Variants in STK39 observed in about 807,000 individuals in gnomAD.
STK39 encodes the protein STE20/SPS1-related proline-alanine-rich protein kinase.
STK39 carries 20 observed loss-of-function variants against 77.8 expected under a neutral mutation model. The observed-to-expected ratio is 0.26, with a 90% CI of 0.18 to 0.37. The LOEUF is 0.37. Among genes scored for constraint, STK39 ranks in the 10% least tolerant of loss-of-function variants. STK39 has a pLI of 1.00. For missense variants in STK39, 479 were observed against 656.5 expected, an observed-to-expected ratio of 0.73 and a Z score of 2.95; for synonymous variants, 246 against 234.1, an observed-to-expected ratio of 1.05 and a Z score of -0.47.
At chr2:168,007,631 C>A (rs1388133392) in intron 16 of STK39, among the ~76,000 whole-genome samples, 2 of 152,044 alleles carry the variant, frequency 1.3e-5, no homozygotes, top group African/African-American at 4.8e-5. Context: ...CTGCTCAAGA[C>A]CATTTTGTGA....
intron 4 of STK39, among the ~76,000 whole-genome samples, chr2:168,163,261 TCAC>T (rs1688621278): frequency 2.0e-5 from 3 of 152,298 alleles, no homozygotes; most frequent in South Asian, 2.1e-4. Flanking sequence ...TCCTTCCCTC[TCAC>T]CACCACATCA....
Position 167,964,687 on chromosome 2 carries a change from G to A in STK39, c.1538C>T (p.Ala513Val), listed in dbSNP as rs199600350. 3 of 1,611,238 alleles carry A rather than the reference G, an allele frequency of 1.9e-6. No homozygotes were observed. The highest frequency in any genetic ancestry group is 2.5e-6 in the Non-Finnish European group (3 of 1,179,042). ...NLQKIVDDPK[A>V]LKTLTFKLAS... ...CAACTTAAATGTCAATGTTTTTAAA[G>A]CTTTGGGATCATCTACAATCTTCTG... is the stretch of plus-strand genomic sequence containing the variant. The change falls in exon 17 of 18, where the codon GCT becomes GTT. Residue 513 changes from alanine to valine, a missense_variant. By Grantham distance (64) the Ala-to-Val change is moderately conservative. Coordinates refer to ENST00000355999, the MANE Select transcript of STK39 (RefSeq NM_013233.3).
At chr2:168,097,926 C>T (rs978966464) in intron 10 of STK39, among the ~76,000 whole-genome samples, 3 of 152,128 alleles carry the variant, frequency 2.0e-5, no homozygotes, top group Admixed American at 6.5e-5. Flanking sequence ...TTTAATTTTA[C>T]AAGAGCCACA....
intron 1 of STK39, among the ~76,000 whole-genome samples, chr2:168,236,489 C>A (rs1690613384): frequency 1.3e-5 from 2 of 152,122 alleles, no homozygotes; most frequent in Admixed American, 6.5e-5. Flanking sequence ...GCTTTTGTTG[C>A]CATTGCTTTT....
intron 10 of STK39, among the ~76,000 whole-genome samples, chr2:168,102,734 C>G (rs1199985397): frequency 6.6e-6 from 1 of 152,014 alleles, no homozygotes; most frequent in Non-Finnish European, 1.5e-5. Context: ...TTGAGACCTT[C>G]CTGGCTAACA....
At chr2:168,128,252 T>C (rs1283765752) in intron 10 of STK39, among the ~76,000 whole-genome samples, 1 of 152,174 alleles carries the variant, frequency 6.6e-6, no homozygotes, top group Non-Finnish European at 1.5e-5. Context: ...TGAACAGCTT[T>C]CTCAACTCTG....
chr2:168,210,026 AAAGAAAGG>A (rs771275479), intron 1 of STK39, among the ~76,000 whole-genome samples: 4,921 of 64,662 alleles, frequency 0.076, 147 homozygotes, highest in Middle Eastern at 0.14. Flanking sequence ...GAAAGAAAGG[AAAGAAAGG>A]AAGGAAGGAA....
intron 10 of STK39, among the ~76,000 whole-genome samples, chr2:168,108,351 C>T (rs1687032996): frequency 6.6e-6 from 1 of 152,050 alleles, no homozygotes; most frequent in Non-Finnish European, 1.5e-5. Context: ...AGTTCAAGAT[C>T]AGCCTGGGCA....
intron 10 of STK39, among the ~76,000 whole-genome samples, chr2:168,123,404 A>G (rs1202800257): frequency 6.6e-6 from 1 of 152,150 alleles, no homozygotes; most frequent in Non-Finnish European, 1.5e-5. Context: ...TAGGTAAGAG[A>G]GTATCCTTGT....
At chr2:167,998,406 T>C (rs1387150866) in intron 16 of STK39, among the ~76,000 whole-genome samples, 2 of 152,230 alleles carry the variant, frequency 1.3e-5, no homozygotes, top group African/African-American at 4.8e-5. Context: ...CCAATGAACA[T>C]GAATATTTTA....
At chr2:168,107,905 G>C (rs116571737) in intron 10 of STK39, among the ~76,000 whole-genome samples, 3 of 152,126 alleles carry the variant, frequency 2.0e-5, no homozygotes, top group African/African-American at 7.2e-5. Flanking sequence ...ACCTGCTTTC[G>C]CATCACTAAT....
chr2:168,210,549 T>A (rs1689864406), intron 1 of STK39, among the ~76,000 whole-genome samples: 1 of 152,212 alleles, frequency 6.6e-6, no homozygotes, highest in South Asian at 2.1e-4. Flanking sequence ...AGACGAAGTC[T>A]TGCTCTGTCG....
At chr2:168,043,895 T>C (rs1685171990) in intron 14 of STK39, among the ~76,000 whole-genome samples, 1 of 152,088 alleles carries the variant, frequency 6.6e-6, no homozygotes, top group South Asian at 2.1e-4. Flanking sequence ...AGAGTGAGAA[T>C]CTCTTTATAT....
chr2:168,096,399 T>TG (rs1354844382), intron 10 of STK39, among the ~76,000 whole-genome samples: 1 of 152,210 alleles, frequency 6.6e-6, no homozygotes, highest in Non-Finnish European at 1.5e-5. Flanking sequence ...CACACGGTGA[T>TG]AATACCTACC....
intron 1 of STK39, among the ~76,000 whole-genome samples, chr2:168,191,606 T>C (rs1459657197): frequency 6.6e-6 from 1 of 152,178 alleles, no homozygotes; most frequent in African/African-American, 2.4e-5. Flanking sequence ...ACTGGAGGCC[T>C]GGGATCTGCA....
chr2:168,162,064 G>A (rs1365754169), intron 4 of STK39, among the ~76,000 whole-genome samples: 1 of 151,932 alleles, frequency 6.6e-6, no homozygotes, highest in Admixed American at 6.6e-5. Context: ...GGTGGGTGGA[G>A]CACCTGAGGT....
At chr2:168,065,238 G>C in intron 13 of STK39, 81 bp downstream of exon 13, 1 of 1,460,788 alleles carries the variant, frequency 6.8e-7, no homozygotes. Context: ...CCTTGAAATT[G>C]TCTATCTTTC....
At chr2:168,060,456 C>A (rs1220097698) in intron 14 of STK39, among the ~76,000 whole-genome samples, 1 of 152,190 alleles carries the variant, frequency 6.6e-6, no homozygotes, top group Non-Finnish European at 1.5e-5. Flanking sequence ...CAGCTGCAAG[C>A]CAAGAAGAGA....
intron 14 of STK39, among the ~76,000 whole-genome samples, chr2:168,063,076 C>T (rs192125566): frequency 1.3e-5 from 2 of 152,188 alleles, no homozygotes; most frequent in Admixed American, 1.3e-4. Context: ...ATCAAACTTG[C>T]CAATGAAAAA....
Sources: gnomAD v4.1 joint callset for allele counts (sites outside exome capture counted in the v4.1 genomes callset) on GRCh38, gnomAD v4.1.1 for gene constraint, MANE v1.5 for transcripts, NCBI Gene and HGNC (gene_info 2026-07-23, HGNC 2026-07-21) for gene names.